Variants in DYNC1I1 observed in about 807,000 individuals in gnomAD.
The protein encoded by DYNC1I1 is dynein cytoplasmic 1 intermediate chain 1.
In DYNC1I1, 43 loss-of-function variants were observed where a neutral mutation model predicts 86.6. The observed-to-expected ratio is 0.50, with a 90% confidence interval of 0.39 to 0.64. DYNC1I1 has a LOEUF of 0.64. Among genes scored for constraint, DYNC1I1 ranks in the 30% least tolerant of loss-of-function variants. The probability of loss-of-function intolerance (pLI) is 0.00; values close to 1 mark genes in which losing one functional copy is unlikely to be tolerated. For missense variants in DYNC1I1, 604 were observed against 788.8 expected, an observed-to-expected ratio of 0.77 and a Z score of 2.81; for synonymous variants, 262 against 283.7, an observed-to-expected ratio of 0.92 and a Z score of 0.77.
intron 1 of DYNC1I1, among the ~76,000 whole-genome samples, chr7:95,799,248 A>T (rs1484470457): frequency 1.3e-5 from 2 of 152,032 alleles, no homozygotes; most frequent in Non-Finnish European, 2.9e-5. Flanking sequence ...GCCCAGTAGC[A>T]CCCACCTGTA....
intron 5 of DYNC1I1, among the ~76,000 whole-genome samples, chr7:95,866,987 T>G (rs1028844441): frequency 5.3e-5 from 8 of 152,210 alleles, no homozygotes; most frequent in African/African-American, 1.7e-4. Context: ...AGAAAAGGTT[T>G]TGTTTTAGTG....
At chr7:95,777,292 C>T (rs2618997) in intron 1 of DYNC1I1, among the ~76,000 whole-genome samples, 1 of 152,126 alleles carries the variant, frequency 6.6e-6, no homozygotes, top group African/African-American at 2.4e-5. Flanking sequence ...GGTGTCTTGC[C>T]GAGTACCAAA....
At chr7:95,962,119 TGG>T in intron 6 of DYNC1I1, among the ~76,000 whole-genome samples, 1 of 152,320 alleles carries the variant, frequency 6.6e-6, no homozygotes, top group East Asian at 1.9e-4. Flanking sequence ...AGAAGCGTGA[TGG>T]GAGACCAGAG....
chr7:96,094,360 C>A lies in DYNC1I1; in HGVS notation c.1777-3123C>A, dbSNP rs1264280864. ...TTAAGATAGTGTTGGATTAAAAAAT[C>A]TCCTAGAGAAAATCATAAATGCATT... On this transcript the variant is annotated intron_variant, in intron 16 of 16. Transcript: ENST00000447467. Among the ~76,000 whole-genome samples, 7 of 152,130 alleles carry A rather than the reference C, an allele frequency of 4.6e-5. No homozygotes were observed. In the East Asian group the frequency reaches 1.3e-3, roughly 29 times the overall value.
chr7:95,989,890 C>A (rs1793687901), intron 9 of DYNC1I1, among the ~76,000 whole-genome samples: 1 of 152,114 alleles, frequency 6.6e-6, no homozygotes, highest in Non-Finnish European at 1.5e-5. Flanking sequence ...ACCAGGATTA[C>A]ATACTTATGG....
rs557596362 is a variant in DYNC1I1 at position 95,847,602 on chromosome 7, A to G, written c.374+19486A>G. ...AACTTTTAATAACTCCTCACTGTCT[A>G]CAGCATAAAGTCCAAATTCTTTAAC... is the stretch of plus-strand genomic sequence containing the variant. On this transcript the variant is annotated intron_variant, in intron 5 of 16. Coordinates refer to ENST00000447467, the MANE Select transcript of DYNC1I1 (RefSeq NM_001135556.2). Among the ~76,000 whole-genome samples the G allele has an allele frequency of 2.0e-4, 31 of 152,316 alleles. 1 individual carries two copies. Among genetic ancestry groups the G allele is most frequent in the African/African-American group, 7.0e-4 (29 of 41,584 alleles).
chr7:95,913,384 A>T (rs1014977526), intron 6 of DYNC1I1, among the ~76,000 whole-genome samples: 5 of 152,024 alleles, frequency 3.3e-5, no homozygotes, highest in Non-Finnish European at 7.4e-5. Flanking sequence ...CCCCACCCAG[A>T]TCTCACTGTG....
At chr7:95,860,352 A>G (rs114976354) in intron 5 of DYNC1I1, among the ~76,000 whole-genome samples, 1,999 of 152,304 alleles carry the variant, frequency 0.013, 45 homozygotes, top group African/African-American at 0.046. Flanking sequence ...GAAGGAAGAA[A>G]ATAGCACCAT....
chr7:96,018,500 C>T (rs559590395), intron 10 of DYNC1I1, among the ~76,000 whole-genome samples: 1 of 152,128 alleles, frequency 6.6e-6, no homozygotes, highest in East Asian at 1.9e-4. Flanking sequence ...AGTAACTGCA[C>T]AAAAATTTTG....
intron 5 of DYNC1I1, among the ~76,000 whole-genome samples, chr7:95,834,625 A>G (rs1789022185): frequency 7.2e-6 from 1 of 139,766 alleles, no homozygotes; most frequent in African/African-American, 2.7e-5. Context: ...TTGGTAAGCT[A>G]TTGATTATTG....
intron 6 of DYNC1I1, among the ~76,000 whole-genome samples, chr7:95,929,540 A>AT (rs774857385): frequency 3.7e-4 from 56 of 152,054 alleles, no homozygotes; most frequent in Non-Finnish European, 5.4e-4. Flanking sequence ...TTGCTTGTAA[A>AT]TTTTTTGAAA....
downstream of DYNC1I1, among the ~76,000 whole-genome samples, chr7:96,102,534 C>T (rs1418820884): frequency 1.3e-5 from 2 of 152,198 alleles, no homozygotes; most frequent in Non-Finnish European, 2.9e-5. Context: ...AGCACAGCAC[C>T]TGGTAAGCCT....
intron 10 of DYNC1I1, among the ~76,000 whole-genome samples, chr7:96,021,495 C>G (rs1324454203): frequency 2.6e-5 from 4 of 152,184 alleles, no homozygotes; most frequent in Non-Finnish European, 2.9e-5. Context: ...AGAAACATGT[C>G]TGCACAATTT....
At chr7:95,920,920 T>C (rs998347474) in intron 6 of DYNC1I1, among the ~76,000 whole-genome samples, 3 of 152,182 alleles carry the variant, frequency 2.0e-5, no homozygotes, top group Non-Finnish European at 2.9e-5. Context: ...ATTTTTAGGA[T>C]TGTCATGACT....
chr7:95,880,020 T>C (rs1790411048), intron 6 of DYNC1I1, among the ~76,000 whole-genome samples: 1 of 152,210 alleles, frequency 6.6e-6, no homozygotes, highest in Non-Finnish European at 1.5e-5. Flanking sequence ...ATGGAAGAAG[T>C]AGTAAGTCCA....
chr7:95,946,821 TA>T (rs1357809279), intron 6 of DYNC1I1, among the ~76,000 whole-genome samples: 16 of 152,242 alleles, frequency 1.1e-4, no homozygotes, highest in Admixed American at 3.9e-4. Context: ...AGAAATGCAA[TA>T]AATTGAAGAC....
intron 6 of DYNC1I1, among the ~76,000 whole-genome samples, chr7:95,941,659 C>T (rs925867984): frequency 6.6e-6 from 1 of 152,310 alleles, no homozygotes; most frequent in Non-Finnish European, 1.5e-5. Context: ...GTTGGAAAAG[C>T]GCAGTCTTGG....
downstream of DYNC1I1, among the ~76,000 whole-genome samples, chr7:96,102,082 T>C (rs1425611025): frequency 6.6e-6 from 1 of 152,032 alleles, no homozygotes; most frequent in Non-Finnish European, 1.5e-5. Context: ...TAGAACAGAT[T>C]AATAAGGCTT....
chr7:95,995,733 G>C (rs1009899483), intron 9 of DYNC1I1, among the ~76,000 whole-genome samples: 2 of 152,192 alleles, frequency 1.3e-5, no homozygotes, highest in African/African-American at 2.4e-5. Flanking sequence ...TTTGTAGTTT[G>C]ATAGTTACCG....
Sources: allele counts gnomAD v4.1 joint callset (sites outside exome capture counted in the v4.1 genomes callset), GRCh38; gene constraint gnomAD v4.1.1; transcripts MANE v1.5; gene names NCBI Gene and HGNC (gene_info 2026-07-23, HGNC 2026-07-21).